Variants in DNAH5 observed in about 807,000 individuals in gnomAD.
DNAH5 encodes dynein axonemal heavy chain 5.
In DNAH5, 372 loss-of-function variants were observed where a neutral mutation model predicts 518.2. The ratio of observed to expected loss-of-function variants is 0.72; its 90% CI spans 0.66 to 0.78. DNAH5 has a LOEUF of 0.78. DNAH5 is among the 30% of genes least tolerant of loss of function. DNAH5 has a pLI of 0.00. For synonymous variants in DNAH5, 2,039 were observed against 2,025.9 expected, an observed-to-expected ratio of 1.01 and a Z score of -0.17; for missense variants, 5,523 against 5,687.0, an observed-to-expected ratio of 0.97 and a Z score of 0.93.
At chr5:13,930,452 T>C (rs921760742) in intron 2 of DNAH5, among the ~76,000 whole-genome samples, 1 of 151,992 alleles carries the variant, frequency 6.6e-6, no homozygotes, top group Non-Finnish European at 1.5e-5. Context: ...TGGCACCCTG[T>C]CAGCAAAAAG....
intron 38 of DNAH5, among the ~76,000 whole-genome samples, 199 bp downstream of exon 38, chr5:13,829,311 T>G (rs1763319026): frequency 1.3e-5 from 2 of 151,392 alleles, no homozygotes; most frequent in South Asian, 2.1e-4. Context: ...ATTTCTATGC[T>G]GTAAATATTA....
chr5:13,844,625 A>AT (rs58269420), intron 32 of DNAH5, among the ~76,000 whole-genome samples: 4 of 151,472 alleles, frequency 2.6e-5, no homozygotes, highest in Admixed American at 6.6e-5. Context: ...CTAAACTAGC[A>AT]TTTTTTTTAA....
chr5:13,727,642 C>T lies in DNAH5; in HGVS notation c.11898G>A (p.Glu3966=), dbSNP rs2126564900. 6.2e-7 allele frequency: 1 copy of T among 1,613,808 alleles called. No homozygotes were observed. Among genetic ancestry groups the T allele is most frequent in the Non-Finnish European group, 8.5e-7 (1 of 1,179,772 alleles). ...TATCAAACCAAATTTTCCACATTTT[C>T]TCATTTCTCGATATCTGAAAATACC... The part of the protein sequence containing the change: ...SDVLDQISRN[E]KMWKIWFDKE... Residue 3966 remains glutamate, a synonymous_variant, in exon 70 of 79, where the codon GAG becomes GAA. Coordinates refer to ENST00000265104, the MANE Select transcript of DNAH5 (RefSeq NM_001369.3).
intron 60 of DNAH5, among the ~76,000 whole-genome samples, chr5:13,761,316 G>A (rs1035620189): frequency 1.1e-4 from 16 of 152,244 alleles, no homozygotes; most frequent in Non-Finnish European, 2.4e-4. Flanking sequence ...CTATGTGGCC[G>A]GGCACAGTGG....
chr5:13,924,042 T>C (rs1051344587), intron 3 of DNAH5, among the ~76,000 whole-genome samples: 1 of 151,904 alleles, frequency 6.6e-6, no homozygotes, highest in Non-Finnish European at 1.5e-5. Flanking sequence ...CGAAACTCAG[T>C]CTGAAAAACA....
intron 40 of DNAH5, among the ~76,000 whole-genome samples, chr5:13,822,842 T>C (rs1282047101): frequency 6.7e-6 from 1 of 150,168 alleles, no homozygotes; most frequent in East Asian, 2.0e-4. Context: ...CCACAAGTAC[T>C]GAGGAAAGAG....
At chr5:13,811,572 A>C in intron 44 of DNAH5, 75 bp downstream of exon 44, 1 of 1,419,916 alleles carries the variant, frequency 7.0e-7, no homozygotes, top group Non-Finnish European at 9.9e-7. Flanking sequence ...TTAATAAGAG[A>C]GAAAATATAG....
intron 1 of DNAH5, among the ~76,000 whole-genome samples, chr5:14,009,886 C>T (rs1784997046): frequency 1.3e-5 from 2 of 152,212 alleles, no homozygotes; most frequent in African/African-American, 2.4e-5. Flanking sequence ...GTTGTGCAAA[C>T]ATTTTTGAGG....
intron 43 of DNAH5, 49 bp from the exon 44 acceptor site, chr5:13,811,872 G>A: frequency 6.3e-7 from 1 of 1,592,338 alleles, no homozygotes. Flanking sequence ...AGCACACTAG[G>A]AAAATGGTCA....
At position 13,735,280 on chromosome 5, in the gene DNAH5, A is replaced by G; in HGVS notation, c.11612T>C (p.Ile3871Thr). Residue 3871 changes from isoleucine to threonine, a missense_variant, in exon 68 of 79, where the codon ATC (isoleucine) becomes ACC (threonine). By Grantham distance (89) the Ile-to-Thr change is moderately conservative. Around this residue, in one of 3 missense-constraint regions of DNAH5, gnomAD observed 5,121 missense variants for 5,223.3 expected, o/e 0.98. Coordinates refer to ENST00000265104, the MANE Select transcript of DNAH5 (RefSeq NM_001369.3). Reference sequence around the variant, plus strand: ...AACCTCGTAGGTCATGTGCTCGATGATATTAGCAATCCTCTTGCTTGTAAT... The same window carrying G: ...AACCTCGTAGGTCATGTGCTCGATGGTATTAGCAATCCTCTTGCTTGTAAT... ...SPITSKRIANIIEHMTYEVYK... is the reference protein window; with the variant it reads ...SPITSKRIANTIEHMTYEVYK... 6.2e-7 allele frequency: 1 copy of G among 1,614,114 alleles called. No homozygotes were observed. Among genetic ancestry groups the G allele is most frequent in the Non-Finnish European group, 8.5e-7 (1 of 1,180,002 alleles).
At chr5:13,722,629 G>C (rs1176154094) in intron 70 of DNAH5, among the ~76,000 whole-genome samples, 1 of 152,202 alleles carries the variant, frequency 6.6e-6, no homozygotes, top group African/African-American at 2.4e-5. Context: ...GCCAGGTAAA[G>C]AGTGTCTGAA....
chr5:13,764,263 C>A (rs148041499), intron 59 of DNAH5, among the ~76,000 whole-genome samples: 1 of 152,258 alleles, frequency 6.6e-6, no homozygotes, highest in African/African-American at 2.4e-5. Context: ...AGAAATTGGA[C>A]TACATTAAAC....
intron 70 of DNAH5, among the ~76,000 whole-genome samples, chr5:13,726,556 A>G (rs546796683): frequency 6.6e-6 from 1 of 152,242 alleles, no homozygotes; most frequent in Non-Finnish European, 1.5e-5. Flanking sequence ...GTCCTTAAAT[A>G]AGGCAACCAT....
At chr5:13,898,578 A>G (rs1270704875) in intron 15 of DNAH5, 1 of 398,474 alleles carries the variant, frequency 2.5e-6, no homozygotes, top group Non-Finnish European at 4.4e-6. Context: ...GCCACTTTGT[A>G]GCTATGAGAC....
intron 60 of DNAH5, among the ~76,000 whole-genome samples, chr5:13,762,507 T>G (rs1472089821): frequency 6.6e-6 from 1 of 152,192 alleles, no homozygotes; most frequent in East Asian, 1.9e-4. Flanking sequence ...GTAGAGAGTC[T>G]GTCCCTGCTT....
intron 52 of DNAH5, among the ~76,000 whole-genome samples, chr5:13,784,179 G>A (rs1246624898): frequency 6.6e-6 from 1 of 152,140 alleles, no homozygotes; most frequent in East Asian, 1.9e-4. Context: ...TGAAATCCCA[G>A]GTCATTCAGA....
rs1327288599 is a variant in DNAH5 at position 13,769,055 on chromosome 5, C to T, written c.9802G>A (p.Ala3268Thr). The stretch of plus-strand genomic sequence containing the variant: ...TCTTTAGAGATGCTGTCCACAATGG[C>T]CTGGGCCCTGTCCTTCACCTTCTGT... ...EVQKVKDRAQ[A>T]IVDSISKDKA... The change falls in exon 58 of 79, where the codon GCC (alanine) becomes ACC (threonine). Residue 3268 changes from alanine to threonine, a missense_variant. Physicochemically the swap from Ala to Thr is moderately conservative, Grantham distance 58. Coordinates refer to ENST00000265104, the MANE Select transcript of DNAH5 (RefSeq NM_001369.3). 2 of 1,614,202 alleles carry T rather than the reference C, an allele frequency of 1.2e-6. No individual in the cohort carries two copies.
chr5:13,988,706 G>A (rs1783245985), intron 1 of DNAH5, among the ~76,000 whole-genome samples: 1 of 146,618 alleles, frequency 6.8e-6, no homozygotes, highest in Non-Finnish European at 1.5e-5. Context: ...ACAGGCATGA[G>A]CCACTGCACC....
At chr5:13,972,429 T>G (rs914007837) in intron 1 of DNAH5, among the ~76,000 whole-genome samples, 7 of 152,140 alleles carry the variant, frequency 4.6e-5, no homozygotes, top group African/African-American at 1.7e-4. Context: ...CTTTCCCCAA[T>G]TCCACTGGCA....
Sources: allele counts gnomAD v4.1 joint callset (sites outside exome capture counted in the v4.1 genomes callset), GRCh38; gene constraint gnomAD v4.1.1; regional missense constraint gnomAD v4.1.1; transcripts MANE v1.5; gene names NCBI Gene and HGNC (gene_info 2026-07-23, HGNC 2026-07-21).